FRMD4A: variants seen among roughly 807,000 people sequenced by gnomAD.
FRMD4A encodes FERM domain-containing protein 4A.
FRMD4A carries 29 observed loss-of-function variants against 129.1 expected under a neutral mutation model. That is an observed-to-expected ratio of 0.22 (90% CI 0.17 to 0.31). The LOEUF is 0.31. Ranked by LOEUF, FRMD4A falls within the 10% of genes least tolerant of loss-of-function variation. The probability of loss-of-function intolerance (pLI) is 1.00; values close to 1 mark genes in which losing one functional copy is unlikely to be tolerated. For missense variants in FRMD4A, 1,272 were observed against 1,375.8 expected (o/e 0.92, Z 1.19); for synonymous variants, 634 against 571.6 (o/e 1.11, Z -1.56).
chr10:14,110,427 A>AAAACAGC (rs1837840074), intron 2 of FRMD4A, among the ~76,000 whole-genome samples: 1 of 152,176 alleles, frequency 6.6e-6, no homozygotes, highest in African/African-American at 2.4e-5. Context: ...CCTGTCTTTG[A>AAAACAGC]AAACAGCAAA....
intron 2 of FRMD4A, among the ~76,000 whole-genome samples, chr10:13,875,588 C>A (rs7097879): frequency 0.011 from 1,708 of 152,300 alleles, 27 homozygotes; most frequent in African/African-American, 0.037. Flanking sequence ...AGGTGCCCTG[C>A]ATTCTACTGT....
chr10:13,865,651 A>G (rs1287810137), intron 2 of FRMD4A, among the ~76,000 whole-genome samples: 1 of 151,126 alleles, frequency 6.6e-6, no homozygotes, highest in African/African-American at 2.4e-5. Flanking sequence ...ACGTCTCACT[A>G]TGTAAATTCT....
chr10:13,996,607 G>A (rs375177077), intron 2 of FRMD4A, among the ~76,000 whole-genome samples: 34 of 152,262 alleles, frequency 2.2e-4, no homozygotes, highest in African/African-American at 8.2e-4. Context: ...GCTGGTGAAG[G>A]GGAACTAGGC....
rs527798005 is a variant in FRMD4A at position 14,235,232 on chromosome 10, C to T, written c.45+94826G>A. Among the ~76,000 whole-genome samples the T allele has an allele frequency of 4.1e-5, 6 of 147,108 alleles. No individual in the cohort carries two copies. The East Asian group carries it at 1.0e-3, about 25-fold the overall frequency. On this transcript the variant is annotated intron_variant, in intron 2 of 24. Transcript: ENST00000357447. ...TGGCGCGATCTCGGCTCACTGCAAG[C>T]TCCGCCTCCCGGGTTCACGCCATTC...
chr10:14,216,786 A>G (rs1843088521), intron 2 of FRMD4A, among the ~76,000 whole-genome samples: 1 of 151,970 alleles, frequency 6.6e-6, no homozygotes, highest in Admixed American at 6.6e-5. Flanking sequence ...TCTGATGTAT[A>G]TTTCATAAGT....
Position 14,316,524 on chromosome 10 carries a change from A to G in FRMD4A, c.45+13534T>C, listed in dbSNP as rs75223500. On this transcript the variant is annotated intron_variant, in intron 2 of 24. Coordinates refer to ENST00000357447, the MANE Select transcript of FRMD4A (RefSeq NM_018027.5). ...TGATAGCAGCAAAAAAAAAAAAAAAAAAGAAGAAGAAGAAGAAGAAACCAG... is the reference window on the plus strand; with the variant it reads ...TGATAGCAGCAAAAAAAAAAAAAAAGAAGAAGAAGAAGAAGAAGAAACCAG... 9.9e-3 allele frequency among the ~76,000 whole-genome samples: 1,308 copies of G among 132,654 alleles called. 18 individuals are homozygous for G. Among genetic ancestry groups the G allele is most frequent in the African/African-American group, 0.031 (1,180 of 38,062 alleles). The allele number at this position is 132,654 out of a possible 152,430, so 87.0% of individuals were successfully genotyped here.
intron 2 of FRMD4A, among the ~76,000 whole-genome samples, chr10:14,052,808 A>G (rs1834325856): frequency 6.6e-6 from 1 of 151,932 alleles, no homozygotes. Flanking sequence ...AAGTGATCCA[A>G]CCACCTCGGC....
chr10:14,226,252 T>A (rs1022623918), intron 2 of FRMD4A, among the ~76,000 whole-genome samples: 1 of 152,206 alleles, frequency 6.6e-6, no homozygotes, highest in African/African-American at 2.4e-5. Context: ...TCCCTGGGTG[T>A]GAGTTATGTG....
intron 2 of FRMD4A, among the ~76,000 whole-genome samples, chr10:14,282,597 A>G (rs1315653470): frequency 6.8e-6 from 1 of 148,104 alleles, no homozygotes; most frequent in Non-Finnish European, 1.5e-5. Flanking sequence ...CTCACTGCTA[A>G]CGGGAGCCAA....
At chr10:14,008,418 C>G (rs1312978636) in intron 2 of FRMD4A, 3 of 1,024,368 alleles carry the variant, frequency 2.9e-6, no homozygotes, top group Non-Finnish European at 3.5e-6. Context: ...TAGCTTTCTT[C>G]CATCTGTCCC....
In FRMD4A at chr10:14,223,672, T is replaced by C. The variant is rs551786729; in HGVS notation, c.45+106386A>G. On this transcript the variant is annotated intron_variant, in intron 2 of 24. Coordinates refer to ENST00000357447, the MANE Select transcript of FRMD4A (RefSeq NM_018027.5). ...GAGAGGATCATTTCTGGCTGGGAGG[T>C]TGAGGCTGCAGTGAGCTATGATTGC... 2.4e-4 allele frequency among the ~76,000 whole-genome samples: 35 copies of C among 146,648 alleles called. No homozygotes were observed. The South Asian group carries it at 4.3e-3, about 18-fold the overall frequency.
chr10:13,891,599 C>T (rs2094697513), intron 2 of FRMD4A: 1 of 985,338 alleles, frequency 1.0e-6, no homozygotes, highest in East Asian at 1.1e-4. Flanking sequence ...CCTGCCACCG[C>T]GACCGGGAAA....
chr10:13,675,428 G>T (rs1317748156), intron 15 of FRMD4A, among the ~76,000 whole-genome samples: 1 of 152,224 alleles, frequency 6.6e-6, no homozygotes, highest in African/African-American at 2.4e-5. Context: ...GTTTGAGACA[G>T]TCTCACTCTG....
chr10:13,880,715 C>T (rs541579972), intron 2 of FRMD4A, among the ~76,000 whole-genome samples: 4 of 152,148 alleles, frequency 2.6e-5, no homozygotes, highest in Admixed American at 6.5e-5. Context: ...ATACTCACCA[C>T]GTCCAGACAC....
At chr10:14,150,384 A>G (rs966230408) in intron 2 of FRMD4A, among the ~76,000 whole-genome samples, 3 of 152,184 alleles carry the variant, frequency 2.0e-5, no homozygotes, top group African/African-American at 7.2e-5. Context: ...GGATAATTAG[A>G]TCGTTATTTC....
intron 2 of FRMD4A, among the ~76,000 whole-genome samples, chr10:13,918,763 A>G (rs2131250994): frequency 6.6e-6 from 1 of 152,166 alleles, no homozygotes; most frequent in East Asian, 1.9e-4. Flanking sequence ...TCCTGACCAC[A>G]GTGATCCGCC....
rs111812350 is a variant in FRMD4A, at chr10:14,170,825, C to T, written c.45+159233G>A. The stretch of plus-strand genomic sequence containing the variant: ...CCTCTCTTCCCTGGCCTCTTCTCCC[C>T]GTCCTCTCCTCTCCTCTTTTCTTCC... On this transcript the variant is annotated intron_variant, in intron 2 of 24. Coordinates refer to ENST00000357447, the MANE Select transcript of FRMD4A (RefSeq NM_018027.5). 2.6e-5 allele frequency among the ~76,000 whole-genome samples: 4 copies of T among 151,850 alleles called. No homozygotes were observed. The East Asian group carries it at 5.8e-4, about 22-fold the overall frequency.
Position 13,815,621 on chromosome 10 carries a change from C to T in FRMD4A, c.112-4713G>A, listed in dbSNP as rs142111195. 3.1e-3 allele frequency among the ~76,000 whole-genome samples: 467 copies of T among 152,172 alleles called. 4 individuals carry two copies. Among genetic ancestry groups the T allele is most frequent in the African/African-American group, 0.01 (435 of 41,532 alleles). ...AAAGGAGGTCTGATAGTTTCAAAGC[C>T]CACATGTGTAATCCCTCTGCCACTC... On this transcript the variant is annotated intron_variant, in intron 3 of 24. Transcript: ENST00000357447.
chr10:14,301,253 A>G (rs1221765605), intron 2 of FRMD4A, among the ~76,000 whole-genome samples: 1 of 152,168 alleles, frequency 6.6e-6, no homozygotes, highest in African/African-American at 2.4e-5. Flanking sequence ...ATTAATCTGT[A>G]TCGTTCCCCT....
Sources: allele counts gnomAD v4.1 joint callset (sites outside exome capture counted in the v4.1 genomes callset), GRCh38; gene constraint gnomAD v4.1.1; transcripts MANE v1.5; gene names NCBI Gene and HGNC (gene_info 2026-07-23, HGNC 2026-07-21).